GRID1: variants seen among roughly 807,000 people sequenced by gnomAD.
The protein encoded by GRID1 is glutamate receptor ionotropic, delta-1.
GRID1 carries 28 observed loss-of-function variants against 98.0 expected under a neutral mutation model. The ratio of observed to expected loss-of-function variants is 0.29; its 90% CI spans 0.21 to 0.39. The LOEUF is 0.39. Ranked by LOEUF, GRID1 falls within the 10% of genes least tolerant of loss-of-function variation. The pLI, the probability that GRID1 is intolerant of heterozygous loss-of-function variation, is 1.00. For missense variants in GRID1, 1,111 were observed against 1,340.5 expected (o/e 0.83, Z 2.67); for synonymous variants, 553 against 538.5 (o/e 1.03, Z -0.37).
At chr10:86,259,560 G>C (rs942060807) in intron 2 of GRID1, among the ~76,000 whole-genome samples, 9 of 152,192 alleles carry the variant, frequency 5.9e-5, no homozygotes, top group African/African-American at 1.4e-4. Flanking sequence ...TGCCAACATA[G>C]GGGAGTGGGG....
intron 2 of GRID1, among the ~76,000 whole-genome samples, chr10:86,319,222 C>T (rs985161224): frequency 7.2e-5 from 11 of 152,062 alleles, no homozygotes; most frequent in Admixed American, 1.3e-4. Flanking sequence ...TCTTGGGCTT[C>T]GACTCTGAGG....
chr10:85,610,736 G>C (rs1271990827), intron 15 of GRID1, among the ~76,000 whole-genome samples: 1 of 152,196 alleles, frequency 6.6e-6, no homozygotes, highest in South Asian at 2.1e-4. Context: ...TGAAGGCAGG[G>C]GCCAGGTCTC....
At chr10:86,097,272 T>C (rs1007891773) in intron 4 of GRID1, among the ~76,000 whole-genome samples, 5 of 152,210 alleles carry the variant, frequency 3.3e-5, no homozygotes, top group Admixed American at 6.5e-5. Context: ...AGATGATAGA[T>C]AGATGAGAGA....
In GRID1 at chr10:85,802,149, T is replaced by G. The variant is rs537657988; in HGVS notation, c.1233+52347A>C. ...TCAAGGAAAACAAGACATAATATGG[T>G]AAGGATATCAACTGTCGCTGAAATT... On this transcript the variant is annotated intron_variant, in intron 8 of 15. Transcript: ENST00000327946. 3.9e-5 allele frequency among the ~76,000 whole-genome samples: 6 copies of G among 152,146 alleles called. No individual in the cohort carries two copies. In the East Asian group the frequency reaches 1.2e-3, roughly 29 times the overall value.
At position 86,004,977 on chromosome 10, in the gene GRID1, CTG is replaced by C. The variant is rs138131214; in HGVS notation, c.727-88740_727-88739del. On this transcript the variant is annotated intron_variant, in intron 4 of 15. Coordinates refer to ENST00000327946, the MANE Select transcript of GRID1 (RefSeq NM_017551.3). ...TGATTCCATTTTATAAGGAGTAAGA[CTG>C]AGGCTTAGAGGAGCTGAATAACTTA... Among the ~76,000 whole-genome samples the C allele has an allele frequency of 8.1e-3, 1,230 of 152,270 alleles. 21 individuals are homozygous for C. The highest frequency in any genetic ancestry group is 0.028 in the African/African-American group (1,156 of 41,548).
chr10:85,967,423 C>T (rs1173420008), intron 4 of GRID1, among the ~76,000 whole-genome samples: 1 of 152,138 alleles, frequency 6.6e-6, no homozygotes, highest in African/African-American at 2.4e-5. Context: ...ATCATATTAT[C>T]TAAAGTGTTC....
chr10:86,059,372 C>T (rs1006371641), intron 4 of GRID1, among the ~76,000 whole-genome samples: 1 of 152,240 alleles, frequency 6.6e-6, no homozygotes, highest in African/African-American at 2.4e-5. Context: ...GTCTTCAGTT[C>T]GCACCTACTA....
chr10:86,055,813 T>TTCTCTCTCTCTCTC lies in GRID1; in HGVS notation c.726+82992_726+83005dup, dbSNP rs141146400. On this transcript the variant is annotated intron_variant, in intron 4 of 15. Coordinates refer to ENST00000327946, the MANE Select transcript of GRID1 (RefSeq NM_017551.3). ...CAGAACCAGAGAGCCTGTGCTCTCA[T>TTCTCTCTCTCTCTC]TCTCTCTCTCTCTCTCTCTCTCTCT... Among the ~76,000 whole-genome samples the TTCTCTCTCTCTCTC allele has an allele frequency of 3.1e-3, 455 of 147,432 alleles. 5 individuals carry two copies. The highest frequency in any genetic ancestry group is 0.028 in the East Asian group (140 of 5,012).
chr10:86,299,404 T>C (rs1451136592), intron 2 of GRID1, among the ~76,000 whole-genome samples: 1 of 151,652 alleles, frequency 6.6e-6, no homozygotes, highest in Non-Finnish European at 1.5e-5. Flanking sequence ...TACATATGTA[T>C]ACATGTGCCA....
chr10:86,183,570 G>A (rs559041686), intron 3 of GRID1, among the ~76,000 whole-genome samples: 6 of 152,216 alleles, frequency 3.9e-5, no homozygotes, highest in African/African-American at 1.4e-4. Context: ...TGTTGGTCAG[G>A]CTGGTCTCAA....
At chr10:85,929,523 A>G (rs1841821379) in intron 4 of GRID1, among the ~76,000 whole-genome samples, 1 of 152,240 alleles carries the variant, frequency 6.6e-6, no homozygotes, top group Admixed American at 6.5e-5. Flanking sequence ...TAGGGAAGAT[A>G]ATATTTATTT....
chr10:85,966,092 A>G (rs1412892217), intron 4 of GRID1, among the ~76,000 whole-genome samples: 1 of 152,222 alleles, frequency 6.6e-6, no homozygotes, highest in Non-Finnish European at 1.5e-5. Flanking sequence ...TGTTTCCTGG[A>G]AGATCCTTAT....
intron 4 of GRID1, among the ~76,000 whole-genome samples, chr10:85,977,190 C>A (rs1316797787): frequency 6.6e-6 from 1 of 152,214 alleles, no homozygotes; most frequent in Non-Finnish European, 1.5e-5. Context: ...CTGAAGAAGA[C>A]TAGAGTTCCA....
intron 4 of GRID1, among the ~76,000 whole-genome samples, chr10:86,094,005 G>A (rs1564673083): frequency 6.6e-6 from 1 of 152,164 alleles, no homozygotes; most frequent in Non-Finnish European, 1.5e-5. Flanking sequence ...CCATGATCAA[G>A]TGGGTTTCAT....
chr10:85,847,503 A>G (rs1843017688), intron 8 of GRID1, among the ~76,000 whole-genome samples: 1 of 152,238 alleles, frequency 6.6e-6, no homozygotes, highest in African/African-American at 2.4e-5. Context: ...AAGCTCAGAG[A>G]AAAAAGAAAA....
At chr10:85,877,270 C>A (rs372413316) in intron 5 of GRID1, among the ~76,000 whole-genome samples, 7,229 of 152,324 alleles carry the variant, frequency 0.047, 253 homozygotes, top group Non-Finnish European at 0.071. Context: ...TCTCCCAGCA[C>A]ACAGCTGGAG....
chr10:85,961,279 C>T (rs1842263169), intron 4 of GRID1, among the ~76,000 whole-genome samples: 1 of 152,158 alleles, frequency 6.6e-6, no homozygotes, highest in Non-Finnish European at 1.5e-5. Flanking sequence ...CCCCTGCCTC[C>T]CTTCACAGCT....
At chr10:86,039,827 A>C (rs571688022) in intron 4 of GRID1, among the ~76,000 whole-genome samples, 38 of 152,308 alleles carry the variant, frequency 2.5e-4, no homozygotes, top group Non-Finnish European at 3.1e-4. Context: ...TCTCTATCTC[A>C]CTTGTATGTA....
At chr10:86,181,333 C>T (rs2132001276) in intron 3 of GRID1, among the ~76,000 whole-genome samples, 1 of 151,656 alleles carries the variant, frequency 6.6e-6, no homozygotes, top group South Asian at 2.1e-4. Flanking sequence ...CCTGGCTCTC[C>T]CCTGGGAAAT....
Sources: allele counts gnomAD v4.1 joint callset (sites outside exome capture counted in the v4.1 genomes callset), GRCh38; gene constraint gnomAD v4.1.1; transcripts MANE v1.5; gene names NCBI Gene and HGNC (gene_info 2026-07-23, HGNC 2026-07-21).